SLC28A3: variants seen among roughly 807,000 people sequenced by gnomAD.
The protein encoded by SLC28A3 is concentrative Na(+)-nucleoside cotransporter 3.
In SLC28A3, 68 loss-of-function variants were observed where a neutral mutation model predicts 84.2. The ratio of observed to expected loss-of-function variants is 0.81; its 90% CI spans 0.66 to 0.99. The LOEUF (loss-of-function observed/expected upper bound fraction) is 0.99. SLC28A3 is among the 50% of genes least tolerant of loss of function. SLC28A3 has a pLI of 0.00. For synonymous variants in SLC28A3, 267 were observed against 303.6 expected, an observed-to-expected ratio of 0.88 and a Z score of 1.25; for missense variants, 712 against 841.5, an observed-to-expected ratio of 0.85 and a Z score of 1.90.
Position 84,313,431 on chromosome 9 carries a change from G to C in SLC28A3, c.84C>G (p.Asn28Lys), listed in dbSNP as rs746482008. The C allele has an allele frequency of 1.9e-6, 3 of 1,613,864 alleles. No homozygotes were observed. In the South Asian group the frequency reaches 3.3e-5, roughly 18 times the overall value. The change falls in exon 2 of 18, where the codon AAC (asparagine) becomes AAG (lysine). Residue 28 changes from asparagine to lysine, a missense_variant. Asn to Lys is a moderately conservative substitution (Grantham distance 94). Coordinates refer to ENST00000376238, the MANE Select transcript of SLC28A3 (RefSeq NM_001199633.2). The part of the protein sequence containing the change: ...GFQNEENFLE[N>K]ENTSGNNSIR... ...TTGAGTTGTTTCCTGATGTGTTCTC[G>C]TTCTCAAGAAAGTTTTCTTCATTCT...
intron 1 of SLC28A3, among the ~76,000 whole-genome samples, chr9:84,318,064 G>T (rs1826233851): frequency 6.6e-6 from 1 of 152,148 alleles, no homozygotes; most frequent in Non-Finnish European, 1.5e-5. Flanking sequence ...TTCAAAGACT[G>T]TATTTTAGAA....
At chr9:84,314,768 T>C (rs1346439643) in intron 1 of SLC28A3, among the ~76,000 whole-genome samples, 1 of 152,220 alleles carries the variant, frequency 6.6e-6, no homozygotes, top group Non-Finnish European at 1.5e-5. Context: ...TGTAGTACCC[T>C]TGGGTTCTTG....
chr9:84,303,583 G>C (rs1825700591), intron 4 of SLC28A3, among the ~76,000 whole-genome samples: 2 of 152,200 alleles, frequency 1.3e-5, no homozygotes, highest in South Asian at 4.1e-4. Flanking sequence ...GCCTCCAAAA[G>C]TGCTGGGATT....
intron 1 of SLC28A3, among the ~76,000 whole-genome samples, chr9:84,323,128 G>A (rs774662046): frequency 1.5e-3 from 231 of 152,298 alleles, no homozygotes; most frequent in Non-Finnish European, 1.4e-3. Flanking sequence ...GCTATAGGAA[G>A]AGGCAGATTT....
At chr9:84,302,175 A>C in intron 5 of SLC28A3, 25 bp downstream of exon 5, 7 of 1,607,572 alleles carry the variant, frequency 4.4e-6, no homozygotes, top group Non-Finnish European at 5.9e-6. Flanking sequence ...CTCTTAACTG[A>C]AATAAGAGAA....
chr9:84,293,068 C>T (rs886460333), intron 9 of SLC28A3, among the ~76,000 whole-genome samples: 2 of 152,202 alleles, frequency 1.3e-5, no homozygotes, highest in East Asian at 3.8e-4. Context: ...ATTCCAGGCA[C>T]TGTGTTAAGC....
At chr9:84,357,788 C>T in the SLC28A3 span, among the ~76,000 whole-genome samples, 1 of 152,158 alleles carries the variant, frequency 6.6e-6, no homozygotes, top group African/African-American at 2.4e-5. Flanking sequence ...GGTCACACAG[C>T]TAGAAACTAT....
At chr9:84,309,739 G>A in intron 2 of SLC28A3, 25 bp from the exon 3 acceptor site, 1 of 1,605,524 alleles carries the variant, frequency 6.2e-7, no homozygotes, top group Non-Finnish European at 8.5e-7. Context: ...TTGGAGCAGA[G>A]ATGGAATAAT....
At chr9:84,282,035 G>A (rs770181626) in intron 14 of SLC28A3, among the ~76,000 whole-genome samples, 22 of 152,168 alleles carry the variant, frequency 1.4e-4, no homozygotes, top group Non-Finnish European at 2.5e-4. Context: ...CCAGCTACTC[G>A]GGAGGCTGAG....
At chr9:84,298,808 C>T (rs1322783713) in intron 6 of SLC28A3, among the ~76,000 whole-genome samples, 1 of 152,184 alleles carries the variant, frequency 6.6e-6, no homozygotes, top group African/African-American at 2.4e-5. Context: ...GCTCTCATTT[C>T]ATTGTAAAAG....
At chr9:84,299,855 C>A in intron 5 of SLC28A3, 130 bp from the exon 6 acceptor site, 1 of 1,043,928 alleles carries the variant, frequency 9.6e-7, no homozygotes, top group Non-Finnish European at 1.3e-6. Flanking sequence ...TAGAATGGAG[C>A]GATCTTGGCT....
At chr9:84,292,452 T>A in intron 10 of SLC28A3, 1 of 490,190 alleles carries the variant, frequency 2.0e-6, no homozygotes, top group African/African-American at 2.7e-5. Context: ...TCTGTGTCTC[T>A]CTGTCTCTCT....
chr9:84,332,337 G>A (rs569310219), intron 1 of SLC28A3, among the ~76,000 whole-genome samples: 1 of 152,204 alleles, frequency 6.6e-6, no homozygotes, highest in South Asian at 2.1e-4. Flanking sequence ...ACTATATAAT[G>A]TATAAAACAA....
the SLC28A3 span, among the ~76,000 whole-genome samples, chr9:84,359,339 A>T: frequency 6.6e-6 from 1 of 152,234 alleles, no homozygotes; most frequent in African/African-American, 2.4e-5. Flanking sequence ...GTCTTATAGA[A>T]ATACACAAAT....
intron 1 of SLC28A3, among the ~76,000 whole-genome samples, chr9:84,332,953 G>A (rs1449636568): frequency 6.6e-6 from 1 of 152,048 alleles, no homozygotes; most frequent in African/African-American, 2.4e-5. Context: ...ACTGACAAAG[G>A]GCTTGTCAAT....
At chr9:84,364,322 C>T in the SLC28A3 span, among the ~76,000 whole-genome samples, 9 of 151,946 alleles carry the variant, frequency 5.9e-5, no homozygotes, top group African/African-American at 1.9e-4. Context: ...GGGGTTTCGC[C>T]GTGTTGGCAG....
intron 1 of SLC28A3, among the ~76,000 whole-genome samples, chr9:84,317,056 A>C (rs967183069): frequency 3.9e-5 from 6 of 151,908 alleles, no homozygotes; most frequent in Admixed American, 2.0e-4. Context: ...TGAGGTGGGT[A>C]CCATGATCCA....
In SLC28A3 at chr9:84,318,020, G is replaced by T. The variant is rs550415499; in HGVS notation, c.61-4566C>A. On this transcript the variant is annotated intron_variant, in intron 1 of 17. Transcript: ENST00000376238. ...GCCCTTTCTCTAAATGTTATTCTTC[G>T]ACTGCATGGATTTTGCCTAGGAATG... 3.9e-5 allele frequency among the ~76,000 whole-genome samples: 6 copies of T among 152,004 alleles called. No individual in the cohort carries two copies. In the South Asian group the frequency reaches 1.2e-3, roughly 32 times the overall value.
At chr9:84,355,564 C>CTA in the SLC28A3 span, among the ~76,000 whole-genome samples, 2 of 152,028 alleles carry the variant, frequency 1.3e-5, no homozygotes, top group Admixed American at 6.6e-5. Context: ...TCGGTTTGGT[C>CTA]TATATATATT....
Sources: gnomAD v4.1 joint callset for allele counts (sites outside exome capture counted in the v4.1 genomes callset) on GRCh38, gnomAD v4.1.1 for gene constraint, MANE v1.5 for transcripts, NCBI Gene and HGNC (gene_info 2026-07-23, HGNC 2026-07-21) for gene names.